Variants in AJAP1 observed in about 807,000 individuals in gnomAD.
The protein encoded by AJAP1 is adherens junction-associated protein 1.
AJAP1 carries 5 observed loss-of-function variants against 35.0 expected under a neutral mutation model. That is an observed-to-expected ratio of 0.14 (90% CI 0.07 to 0.30). The LOEUF is 0.30. Among genes scored for constraint, AJAP1 ranks in the 10% least tolerant of loss-of-function variants. AJAP1 has a pLI of 1.00. For missense variants in AJAP1, 586 were observed against 571.0 expected (o/e 1.03, Z -0.27); for synonymous variants, 284 against 249.3 (o/e 1.14, Z -1.31).
chr1:4,759,653 A>G (rs543249840), intron 2 of AJAP1, among the ~76,000 whole-genome samples: 35 of 152,294 alleles, frequency 2.3e-4, no homozygotes, highest in African/African-American at 8.4e-4. Context: ...CACCAGGCAC[A>G]TGTCTGCTGA....
intron 2 of AJAP1, among the ~76,000 whole-genome samples, chr1:4,722,761 C>T (rs908687329): frequency 7.2e-5 from 11 of 152,308 alleles, no homozygotes; most frequent in African/African-American, 2.6e-4. Flanking sequence ...CTGTGTCTGT[C>T]TTCTAAGGAC....
At chr1:4,771,933 C>G (rs369251063) in intron 3 of AJAP1, among the ~76,000 whole-genome samples, 3 of 152,146 alleles carry the variant, frequency 2.0e-5, no homozygotes, top group African/African-American at 7.2e-5. Context: ...CAGCTTTTAT[C>G]CCGTCGAGGC....
chr1:4,691,578 G>A (rs574934439), intron 1 of AJAP1, among the ~76,000 whole-genome samples: 1 of 152,300 alleles, frequency 6.6e-6, no homozygotes, highest in East Asian at 1.9e-4. Context: ...AAGCCCTGGT[G>A]CTGGAGGAGA....
intron 1 of AJAP1, among the ~76,000 whole-genome samples, chr1:4,678,913 G>A (rs1450163455): frequency 1.3e-5 from 2 of 152,186 alleles, no homozygotes; most frequent in African/African-American, 4.8e-5. Context: ...CATAACAACC[G>A]AGTAGGTATG....
intron 5 of AJAP1, chr1:4,777,739 A>G (rs1395590831): frequency 6.6e-6 from 1 of 152,250 alleles, no homozygotes; most frequent in East Asian, 1.9e-4. Flanking sequence ...GAAATAAATC[A>G]TGCACTATTA....
At chr1:4,760,253 G>C (rs1325546166) in intron 2 of AJAP1, among the ~76,000 whole-genome samples, 1 of 151,820 alleles carries the variant, frequency 6.6e-6, no homozygotes, top group East Asian at 1.9e-4. Context: ...ATGAGTGTGT[G>C]AGCATGTGTG....
At chr1:4,779,693 A>G (rs1433125733) in intron 5 of AJAP1, among the ~76,000 whole-genome samples, 2 of 152,098 alleles carry the variant, frequency 1.3e-5, no homozygotes, top group Non-Finnish European at 2.9e-5. Context: ...TGAGTAATCA[A>G]TGATCAGGGA....
chr1:4,710,665 G>A (rs1342034306), intron 1 of AJAP1, among the ~76,000 whole-genome samples: 1 of 152,232 alleles, frequency 6.6e-6, no homozygotes, highest in Non-Finnish European at 1.5e-5. Flanking sequence ...CCCCCCACCC[G>A]CTTCAGTCAT....
At chr1:4,770,911 C>A (rs1027776801) in intron 3 of AJAP1, among the ~76,000 whole-genome samples, 20 of 152,068 alleles carry the variant, frequency 1.3e-4, no homozygotes, top group African/African-American at 4.3e-4. Context: ...GGACCCCGGG[C>A]GTTTTCTGGA....
chr1:4,691,270 G>A (rs1007149438), intron 1 of AJAP1, among the ~76,000 whole-genome samples: 3 of 152,168 alleles, frequency 2.0e-5, no homozygotes, highest in Admixed American at 1.3e-4. Context: ...CCTCCCTCCT[G>A]GCCTTCCTGG....
intron 1 of AJAP1, among the ~76,000 whole-genome samples, chr1:4,669,668 A>G (rs1297058716): frequency 6.6e-6 from 1 of 152,208 alleles, no homozygotes; most frequent in East Asian, 1.9e-4. Context: ...ATCATACAAT[A>G]TGTAACCTTT....
At chr1:4,768,933 A>G (rs1200860370) in intron 2 of AJAP1, among the ~76,000 whole-genome samples, 2 of 152,208 alleles carry the variant, frequency 1.3e-5, no homozygotes, top group Non-Finnish European at 2.9e-5. Context: ...CTGTTTCCCC[A>G]GTCCTGTGTC....
At chr1:4,762,676 A>G (rs1037771279) in intron 2 of AJAP1, among the ~76,000 whole-genome samples, 1 of 152,164 alleles carries the variant, frequency 6.6e-6, no homozygotes, top group East Asian at 1.9e-4. Context: ...AACTATAACC[A>G]AGAATATAAT....
intron 1 of AJAP1, among the ~76,000 whole-genome samples, chr1:4,677,958 T>C (rs1639397718): frequency 6.6e-6 from 1 of 152,188 alleles, no homozygotes; most frequent in Admixed American, 6.5e-5. Flanking sequence ...AGTAGCACAT[T>C]TCCTGGTGGC....
intron 2 of AJAP1, among the ~76,000 whole-genome samples, chr1:4,748,507 G>A (rs956860922): frequency 6.6e-6 from 1 of 152,086 alleles, no homozygotes; most frequent in African/African-American, 2.4e-5. Context: ...CAGCACTTTG[G>A]GAGGCTGAGG....
chr1:4,735,966 GCGCTGAGGTTC>G (rs1640914590), intron 2 of AJAP1, among the ~76,000 whole-genome samples: 1 of 152,210 alleles, frequency 6.6e-6, no homozygotes, highest in Admixed American at 6.5e-5. Context: ...AAGAGGGTTG[GCGCTGAGGTTC>G]CTTAAGGCCC....
intron 2 of AJAP1, among the ~76,000 whole-genome samples, chr1:4,744,697 A>T (rs1321724579): frequency 6.6e-6 from 1 of 152,116 alleles, no homozygotes; most frequent in Non-Finnish European, 1.5e-5. Context: ...CCATGTGCAC[A>T]TAACACACAG....
Position 4,783,063 on chromosome 1 carries a change from T to G in AJAP1, c.*578T>G. On this transcript the variant is annotated 3_prime_UTR_variant, in exon 6 of 6. Coordinates refer to ENST00000378191, the MANE Select transcript of AJAP1 (RefSeq NM_018836.4). ...ACACACACACACACTTTTTTTGTACTGTAGCAATTTTTGAAGATCTTAAAT... is the reference window on the plus strand; with the variant it reads ...ACACACACACACACTTTTTTTGTACGGTAGCAATTTTTGAAGATCTTAAAT... The G allele has an allele frequency of 2.6e-6, 1 of 382,636 alleles. No homozygotes were observed. The allele number at this position is 382,636 out of a possible 1,614,324, so 23.7% of individuals were successfully genotyped here. A position where few individuals can be genotyped will look rare whatever the true frequency, so the allele number is the denominator to read the frequency against.
At chr1:4,746,838 C>T (rs961215764) in intron 2 of AJAP1, among the ~76,000 whole-genome samples, 2 of 152,194 alleles carry the variant, frequency 1.3e-5, no homozygotes, top group African/African-American at 2.4e-5. Flanking sequence ...TGCCTCCCCA[C>T]CACTGGGACT....
Sources: gnomAD v4.1 joint callset for allele counts (sites outside exome capture counted in the v4.1 genomes callset) on GRCh38, gnomAD v4.1.1 for gene constraint, MANE v1.5 for transcripts, NCBI Gene and HGNC (gene_info 2026-07-23, HGNC 2026-07-21) for gene names.